Variants in CATSPERE observed in about 807,000 individuals in gnomAD.
CATSPERE encodes the protein cation channel sperm-associated auxiliary subunit epsilon.
Under a neutral mutation model 114.1 loss-of-function variants are expected in CATSPERE, and 93 were observed. That is an observed-to-expected ratio of 0.81 (90% CI 0.69 to 0.97). The LOEUF is 0.97. Ranked by LOEUF, CATSPERE falls within the 50% of genes least tolerant of loss-of-function variation. CATSPERE has a pLI of 0.00. For synonymous variants in CATSPERE, 341 were observed against 384.1 expected (o/e 0.89, Z 1.31); for missense variants, 1,058 against 1,131.6 (o/e 0.93, Z 0.93).
rs913423626 is a variant in CATSPERE, at chr1:244,635,350, A to G, written c.2649-139A>G. 7.0e-5 allele frequency: 42 copies of G among 600,312 alleles called. 1 individual carries two copies. In the East Asian group the frequency reaches 1.2e-3, roughly 18 times the overall value. 37.2% of individuals were successfully genotyped at this position (600,312 alleles called of 1,614,324 possible). ...ATAATCACAGCTGTTCTATAAATGT[A>G]TCCATTCTGTCCTTTGTCAAGAAAA... On this transcript the variant is annotated intron_variant, in intron 20 of 21. Transcript: ENST00000366534.
Position 244,467,503 on chromosome 1 carries a change from A to G in CATSPERE, c.114+3547A>G, listed in dbSNP as rs1434015551. Among the ~76,000 whole-genome samples, 5 of 152,318 alleles carry G rather than the reference A, an allele frequency of 3.3e-5. No homozygotes were observed. In the South Asian group the frequency reaches 8.3e-4, roughly 25 times the overall value. On this transcript the variant is annotated intron_variant, in intron 2 of 21. Transcript: ENST00000366534. The stretch of plus-strand genomic sequence containing the variant: ...AATGTAAAGCAGTAGGAACTCTAAT[A>G]CACCACTAGAAGGAATGCAGGTTGG...
At chr1:244,531,439 T>A (rs112246289) in intron 8 of CATSPERE, among the ~76,000 whole-genome samples, 4,079 of 152,206 alleles carry the variant, frequency 0.027, 197 homozygotes, top group African/African-American at 0.093. Flanking sequence ...TTTTTCCCCA[T>A]TTAGTATGAT....
rs773512488 is a variant in CATSPERE at position 244,606,860 on chromosome 1, G to A, written c.2403+1066G>A. ...CAATTGATCCACCCGCCTCGGCCTC[G>A]CAAAGTACTGGGGTTACAGGCGTGA... On this transcript the variant is annotated intron_variant, in intron 18 of 21. Transcript: ENST00000366534. Among the ~76,000 whole-genome samples the A allele has an allele frequency of 3.3e-5, 5 of 151,870 alleles. No individual in the cohort carries two copies. The South Asian group carries it at 6.2e-4, about 19-fold the overall frequency.
intron 8 of CATSPERE, among the ~76,000 whole-genome samples, chr1:244,546,668 A>G (rs1659805098): frequency 6.6e-6 from 1 of 152,254 alleles, no homozygotes; most frequent in African/African-American, 2.4e-5. Context: ...ACAAAAATGC[A>G]AGTGCTGAAA....
Position 244,614,099 on chromosome 1 carries a change from C to T in CATSPERE, c.2491-3430C>T, listed in dbSNP as rs115745012. ...TGCAACCCTTCGACCTTGGACTTCTCAGCCTCCTTGGAAAGGAATGAATTC... is the reference window on the plus strand; with the variant it reads ...TGCAACCCTTCGACCTTGGACTTCTTAGCCTCCTTGGAAAGGAATGAATTC... On this transcript the variant is annotated intron_variant, in intron 19 of 21. Transcript: ENST00000366534. Among the ~76,000 whole-genome samples the T allele has an allele frequency of 3.7e-3, 571 of 152,306 alleles. 2 individuals carry two copies. The highest frequency in any genetic ancestry group is 0.013 in the African/African-American group (541 of 41,554).
chr1:244,610,288 A>C lies in CATSPERE; in HGVS notation c.2452A>C (p.Asn818His), dbSNP rs78889757. The C allele has an allele frequency of 9.0e-4, 1,445 of 1,613,358 alleles. 14 individuals are homozygous for C. The African/African-American group carries it at 0.017, about 19-fold the overall frequency. The change falls in exon 19 of 22, where the codon AAC becomes CAC. Residue 818 changes from asparagine (N) to histidine (H), a missense_variant. Transcript: ENST00000366534. ...AQTWKSMIEL[N>H]KHLPLEEVWG... ...GACATGGAAGTCAATGATTGAACTT[A>C]ACAAGCACCTCCCACTAGAAGAAGT...
chr1:244,578,843 T>TATATATAG (rs756669283), intron 11 of CATSPERE, among the ~76,000 whole-genome samples: 1 of 139,598 alleles, frequency 7.2e-6, no homozygotes, highest in Non-Finnish European at 1.5e-5. Context: ...TATATATATA[T>TATATATAG]ACACACACAC....
intron 19 of CATSPERE, among the ~76,000 whole-genome samples, chr1:244,611,938 G>A (rs1670790467): frequency 1.3e-5 from 2 of 152,168 alleles, no homozygotes; most frequent in African/African-American, 4.8e-5. Context: ...TGAAATAGAT[G>A]GCTGGGTCCC....
intron 7 of CATSPERE, among the ~76,000 whole-genome samples, chr1:244,502,522 ACT>A (rs1558384962): frequency 1.3e-5 from 2 of 151,786 alleles, no homozygotes; most frequent in Non-Finnish European, 2.9e-5. Context: ...TTAACTGGCA[ACT>A]CTCTTCAGTT....
chr1:244,549,907 G>T (rs1660340234), intron 8 of CATSPERE, among the ~76,000 whole-genome samples: 2 of 152,168 alleles, frequency 1.3e-5, no homozygotes, highest in African/African-American at 4.8e-5. Flanking sequence ...CCCCAGTGTG[G>T]TTGGGCATCA....
chr1:244,457,331 A>G (rs1666250345), upstream of CATSPERE, among the ~76,000 whole-genome samples: 1 of 152,236 alleles, frequency 6.6e-6, no homozygotes, highest in Non-Finnish European at 1.5e-5. Context: ...ATCTTACCTT[A>G]TGGTCAAAGT....
intron 20 of CATSPERE, among the ~76,000 whole-genome samples, chr1:244,631,216 T>G (rs1673897132): frequency 6.6e-6 from 1 of 152,034 alleles, no homozygotes; most frequent in Non-Finnish European, 1.5e-5. Flanking sequence ...TACCAGCTAC[T>G]CAGGAGGCTG....
chr1:244,465,038 CTT>C (rs1205339880), intron 2 of CATSPERE, among the ~76,000 whole-genome samples: 18 of 141,038 alleles, frequency 1.3e-4, no homozygotes, highest in Admixed American at 2.1e-4. Flanking sequence ...TTGGAGGCTC[CTT>C]TTTTTTTTTT....
At chr1:244,610,793 C>T (rs1264405073) in intron 19 of CATSPERE, among the ~76,000 whole-genome samples, 2 of 148,704 alleles carry the variant, frequency 1.3e-5, no homozygotes, top group African/African-American at 5.1e-5. Flanking sequence ...CTCTCTGTTG[C>T]CTAGGCTGCT....
intron 7 of CATSPERE, among the ~76,000 whole-genome samples, chr1:244,507,303 T>C (rs1433741612): frequency 6.6e-6 from 1 of 152,184 alleles, no homozygotes; most frequent in Non-Finnish European, 1.5e-5. Context: ...CATGGTAGTT[T>C]CATGTTTAGT....
At chr1:244,565,179 T>C (rs551417852) in intron 10 of CATSPERE, among the ~76,000 whole-genome samples, 1 of 152,358 alleles carries the variant, frequency 6.6e-6, no homozygotes, top group South Asian at 2.1e-4. Context: ...TTTGCAACGA[T>C]GTTCATCAGG....
chr1:244,616,865 A>T (rs926909417), intron 19 of CATSPERE, among the ~76,000 whole-genome samples: 1 of 152,214 alleles, frequency 6.6e-6, no homozygotes, highest in East Asian at 1.9e-4. Context: ...GTTTCCTTCA[A>T]ATGAGAAGCT....
chr1:244,535,490 T>C (rs749503253), intron 8 of CATSPERE, among the ~76,000 whole-genome samples: 23 of 152,108 alleles, frequency 1.5e-4, no homozygotes, highest in Non-Finnish European at 2.9e-4. Flanking sequence ...CCCTTTCCAC[T>C]CCTCTCTTTC....
chr1:244,592,411 A>C (rs923761331), intron 15 of CATSPERE, among the ~76,000 whole-genome samples: 3 of 152,256 alleles, frequency 2.0e-5, no homozygotes, highest in Non-Finnish European at 1.5e-5. Flanking sequence ...TAAGATAAAG[A>C]TCTTCATTTT....
Sources: gnomAD v4.1 joint callset for allele counts (sites outside exome capture counted in the v4.1 genomes callset) on GRCh38, gnomAD v4.1.1 for gene constraint, MANE v1.5 for transcripts, NCBI Gene and HGNC (gene_info 2026-07-23, HGNC 2026-07-21) for gene names.